The following SYT16 variants were observed in gnomAD, a reference collection of about 807,000 sequenced individuals.
The protein encoded by SYT16 is synaptotagmin 16, also known as synaptotagmin-16.
A neutral mutation model predicts 61.4 loss-of-function variants in SYT16; 42 were observed. The observed-to-expected ratio is 0.68, with a 90% CI of 0.53 to 0.89. The LOEUF (loss-of-function observed/expected upper bound fraction) is 0.89. Among genes scored for constraint, SYT16 ranks in the 40% least tolerant of loss-of-function variants. The pLI, the probability that SYT16 is intolerant of heterozygous loss-of-function variation, is 0.00. For synonymous variants in SYT16, 314 were observed against 302.3 expected, an observed-to-expected ratio of 1.04 and a Z score of -0.40; for missense variants, 804 against 807.3, an observed-to-expected ratio of 1.00 and a Z score of 0.05.
chr14:61,918,475 C>A (rs774003039), intron 1 of SYT16, among the ~76,000 whole-genome samples: 1 of 151,934 alleles, frequency 6.6e-6, no homozygotes, highest in African/African-American at 2.4e-5. Context: ...AGCCAAATGT[C>A]CAGTGATGAG....
intron 3 of SYT16, among the ~76,000 whole-genome samples, chr14:62,049,420 CTCTT>C (rs1349506123): frequency 2.0e-5 from 3 of 152,146 alleles, no homozygotes; most frequent in Non-Finnish European, 4.4e-5. Flanking sequence ...TGGGTGTTGA[CTCTT>C]TATCCAATTT....
At chr14:62,008,745 CT>C (rs1353470803) in intron 3 of SYT16, among the ~76,000 whole-genome samples, 1 of 150,528 alleles carries the variant, frequency 6.6e-6, no homozygotes, top group African/African-American at 2.4e-5. Flanking sequence ...TATTTTGCAA[CT>C]TTTTTCCTTC....
At position 62,111,270 on chromosome 14, in the gene SYT16, G is replaced by A. The variant is rs892390166; in HGVS notation, c.*10563G>A. 1 of 151,984 alleles carries A rather than the reference G, an allele frequency of 6.6e-6. No individual in the cohort carries two copies. The highest frequency in any genetic ancestry group is 2.4e-5 in the African/African-American group (1 of 41,416). 9.4% of individuals were successfully genotyped at this position (151,984 alleles called of 1,614,324 possible). ...ACTTTCATGAAAAAAATGTAAATGT[G>A]AATGATTCATTCATTTTGAACATAT... On this transcript the variant is annotated 3_prime_UTR_variant, in exon 8 of 8. Coordinates refer to ENST00000683842, the MANE Select transcript of SYT16 (RefSeq NM_001367656.1).
chr14:61,943,427 A>G (rs1197223334), intron 1 of SYT16, among the ~76,000 whole-genome samples: 1 of 152,206 alleles, frequency 6.6e-6, no homozygotes, highest in Non-Finnish European at 1.5e-5. Flanking sequence ...GAGATAAAAC[A>G]AAAAAAGAAA....
chr14:61,982,934 A>C (rs1015331484), intron 2 of SYT16, among the ~76,000 whole-genome samples: 1 of 152,168 alleles, frequency 6.6e-6, no homozygotes, highest in African/African-American at 2.4e-5. Flanking sequence ...TAAAAGTTGC[A>C]TTTATCAGAG....
chr14:61,996,686 A>G, intron 3 of SYT16, 144 bp downstream of exon 3: 2 of 1,046,846 alleles, frequency 1.9e-6, no homozygotes, highest in South Asian at 3.6e-5. Context: ...ATTGAGAGAT[A>G]TAATCCTTAG....
chr14:61,913,286 G>A (rs182192012), intron 1 of SYT16, among the ~76,000 whole-genome samples: 19 of 152,092 alleles, frequency 1.2e-4, no homozygotes, highest in African/African-American at 4.3e-4. Context: ...TGCTGCACCC[G>A]ATATTTGTGG....
intron 1 of SYT16, among the ~76,000 whole-genome samples, chr14:61,911,831 T>A (rs986833270): frequency 6.6e-6 from 1 of 152,212 alleles, no homozygotes; most frequent in East Asian, 1.9e-4. Context: ...AACCAGCTCC[T>A]CTGCACCTCT....
intron 7 of SYT16, among the ~76,000 whole-genome samples, chr14:62,092,192 A>C (rs796118181): frequency 5.2e-5 from 5 of 95,938 alleles, no homozygotes; most frequent in African/African-American, 1.4e-4. Flanking sequence ...ACACACACAC[A>C]CACACACACA....
At chr14:61,965,840 T>C (rs2051293816) in intron 1 of SYT16, among the ~76,000 whole-genome samples, 1 of 151,474 alleles carries the variant, frequency 6.6e-6, no homozygotes, top group Non-Finnish European at 1.5e-5. Context: ...GAAAAAAAAA[T>C]TGTGGATATC....
chr14:62,019,979 T>C (rs2053849836), intron 3 of SYT16, among the ~76,000 whole-genome samples: 1 of 152,112 alleles, frequency 6.6e-6, no homozygotes, highest in Non-Finnish European at 1.5e-5. Flanking sequence ...GAATTGTTCT[T>C]TTTTAAATTT....
intron 7 of SYT16, among the ~76,000 whole-genome samples, chr14:62,091,539 A>C (rs774751585): frequency 2.6e-5 from 4 of 152,216 alleles, no homozygotes; most frequent in Non-Finnish European, 5.9e-5. Flanking sequence ...AATTACATAA[A>C]TATGGGAATG....
At chr14:61,857,130 AT>A (rs746306629) in intron 1 of SYT16, among the ~76,000 whole-genome samples, 4 of 150,978 alleles carry the variant, frequency 2.6e-5, no homozygotes, top group Non-Finnish European at 4.4e-5. Flanking sequence ...TGTTATTGAG[AT>A]GGTTGCTCCA....
At chr14:61,939,496 G>A (rs1179908309) in intron 1 of SYT16, among the ~76,000 whole-genome samples, 2 of 152,206 alleles carry the variant, frequency 1.3e-5, no homozygotes, top group African/African-American at 4.8e-5. Context: ...CGCATGATTG[G>A]ATCCATTCTG....
In SYT16 at chr14:62,107,698, T is replaced by C. The variant is rs2057537577; in HGVS notation, c.*6991T>C. The C allele has an allele frequency of 6.6e-6, 1 of 152,170 alleles. No homozygotes were observed. The highest frequency in any genetic ancestry group is 1.5e-5 in the Non-Finnish European group (1 of 68,024). 9.4% of individuals were successfully genotyped at this position (152,170 alleles called of 1,614,324 possible). On this transcript the variant is annotated 3_prime_UTR_variant, in exon 8 of 8. Coordinates refer to ENST00000683842, the MANE Select transcript of SYT16 (RefSeq NM_001367656.1). ...GAAGATTTAGGGAAGGTGAAAGTTA[T>C]TACCCTGTATCTAATTAAGAAATAG... is the stretch of plus-strand genomic sequence containing the variant.
chr14:61,937,022 A>C (rs2050009049), intron 1 of SYT16, among the ~76,000 whole-genome samples: 1 of 152,244 alleles, frequency 6.6e-6, no homozygotes, highest in Admixed American at 6.5e-5. Context: ...AACTTGTCTT[A>C]CAGACAGCAA....
At chr14:61,972,110 A>C (rs921523596) in intron 2 of SYT16, among the ~76,000 whole-genome samples, 1 of 152,230 alleles carries the variant, frequency 6.6e-6, no homozygotes, top group Non-Finnish European at 1.5e-5. Flanking sequence ...GTCAACCCAG[A>C]TTAAATTAAT....
In SYT16 at chr14:62,075,265, G is replaced by C. The variant is rs1472069411; in HGVS notation, c.867G>C (p.Glu289Asp). 1 of 1,613,914 alleles carries C rather than the reference G, an allele frequency of 6.2e-7. No homozygotes were observed. Among genetic ancestry groups the C allele is most frequent in the Admixed American group, 1.7e-5 (1 of 59,994 alleles). The change falls in exon 5 of 8, where the codon GAG (glutamate) becomes GAC (aspartate). Residue 289 changes from glutamate to aspartate, a missense_variant. Transcript: ENST00000683842. The part of the protein sequence containing the change: ...DAKHHGTSHQ[E>D]SSVVQSLRRQ... ...AACACCACGGCACATCTCACCAAGA[G>C]TCCAGTGTGGTCCAAAGCCTCAGGC...
chr14:62,001,761 TTTTC>T (rs2053027129), intron 3 of SYT16, among the ~76,000 whole-genome samples: 1 of 152,098 alleles, frequency 6.6e-6, no homozygotes, highest in Non-Finnish European at 1.5e-5. Context: ...TCTCAGATAT[TTTTC>T]TTTGTTTCAT....
Sources: allele counts gnomAD v4.1 joint callset (sites outside exome capture counted in the v4.1 genomes callset), GRCh38; gene constraint gnomAD v4.1.1; transcripts MANE v1.5; gene names NCBI Gene and HGNC (gene_info 2026-07-23, HGNC 2026-07-21).